Variants in ZNF559 observed in about 807,000 individuals in gnomAD.
ZNF559 encodes putative protein product of Nbla00121.
In ZNF559, 17 loss-of-function variants were observed where a neutral mutation model predicts 14.2. The ratio of observed to expected loss-of-function variants is 1.20; its 90% confidence interval spans 0.82 to 1.80. ZNF559 has a LOEUF of 1.80. Ranked by LOEUF, ZNF559 falls within the 40% of genes most tolerant of loss-of-function variation. The pLI is 0.00. For synonymous variants in ZNF559, 244 were observed against 212.4 expected, an observed-to-expected ratio of 1.15 and a Z score of -1.29; for missense variants, 740 against 629.7, an observed-to-expected ratio of 1.18 and a Z score of -1.88.
chr19:9,326,457 A>G (rs1439053603), intron 2 of ZNF559, among the ~76,000 whole-genome samples: 2 of 152,174 alleles, frequency 1.3e-5, no homozygotes, highest in Non-Finnish European at 2.9e-5. Context: ...ATTATCTTGT[A>G]AAATGCTGCC....
chr19:9,337,525 G>C (rs2067306407), intron 2 of ZNF559, among the ~76,000 whole-genome samples: 1 of 152,166 alleles, frequency 6.6e-6, no homozygotes, highest in Non-Finnish European at 1.5e-5. Context: ...AGAATAAGAA[G>C]AACCTCAGGA....
chr19:9,339,786 T>G (rs932417204), intron 5 of ZNF559, among the ~76,000 whole-genome samples: 8 of 121,182 alleles, frequency 6.6e-5, no homozygotes, highest in African/African-American at 2.4e-4. Context: ...TTTTTTTTTT[T>G]GAGACAGAGT....
At chr19:9,328,507 C>A (rs1037090631) in intron 2 of ZNF559, among the ~76,000 whole-genome samples, 2 of 151,858 alleles carry the variant, frequency 1.3e-5, no homozygotes, top group Non-Finnish European at 2.9e-5. Flanking sequence ...GCTCCTGCCA[C>A]CACACCTCAC....
intron 5 of ZNF559, among the ~76,000 whole-genome samples, chr19:9,339,767 C>CTTTTT (rs200842205): frequency 7.4e-6 from 1 of 134,552 alleles, no homozygotes; most frequent in African/African-American, 2.8e-5. Context: ...ACATTCTTTA[C>CTTTTT]TTTTTTTTTT....
Position 9,324,239 on chromosome 19 carries a change from G to A in ZNF559, c.-206+11G>A, listed in dbSNP as rs1251695416. On this transcript the variant is annotated intron_variant, in intron 1 of 6. Coordinates refer to ENST00000603380, the MANE Select transcript of ZNF559 (RefSeq NM_032497.3). ...CCGTTGGCGTCTGAGGTAAGTTTTT[G>A]TTTCTGGGCGGCGTTCGGTGGTGTC... The A allele has an allele frequency of 6.5e-7, 1 of 1,536,116 alleles. No homozygotes were observed. Among genetic ancestry groups the A allele is most frequent in the South Asian group, 1.2e-5 (1 of 84,066 alleles).
rs533736412 is a variant in ZNF559, at chr19:9,342,801, G to T, written c.1350G>T (p.Ser450=). 91 of 1,613,508 alleles carry T rather than the reference G, an allele frequency of 5.6e-5. No homozygotes were observed. The highest frequency in any genetic ancestry group is 6.6e-5 in the Non-Finnish European group (78 of 1,179,920). Residue 450 remains serine, a synonymous_variant, in exon 7 of 7, where the codon TCG becomes TCT. Coordinates refer to ENST00000603380, the MANE Select transcript of ZNF559 (RefSeq NM_032497.3). ...GTGGGAAAGCCTTTAGATACTCCTC[G>T]CACCTTAGTCAACATAAAAGAATAC... The part of the protein sequence containing the change: ...EECGKAFRYS[S]HLSQHKRIHT...
chr19:9,342,403 G>T lies in ZNF559; in HGVS notation c.952G>T (p.Val318Phe), dbSNP rs1382622348. The T allele has an allele frequency of 8.1e-6, 13 of 1,613,910 alleles. No homozygotes were observed. The highest frequency in any genetic ancestry group is 8.5e-6 in the Non-Finnish European group (10 of 1,179,994). ...CFSKLNIHIR[V>F]HTGEKPYECN... ...CTCAAAACTCAACATTCACATAAGG[G>T]TTCACACTGGAGAAAAACCGTATGA... The change falls in exon 7 of 7, where the codon GTT (valine) becomes TTT (phenylalanine). Residue 318 changes from valine (V) to phenylalanine (F), a missense_variant. Transcript: ENST00000603380.
At chr19:9,329,221 T>C (rs1389889550) in intron 2 of ZNF559, among the ~76,000 whole-genome samples, 1 of 152,128 alleles carries the variant, frequency 6.6e-6, no homozygotes, top group African/African-American at 2.4e-5. Flanking sequence ...GTTTTTAATT[T>C]CTTTTATATT....
chr19:9,343,421 G>A lies in ZNF559; in HGVS notation c.*353G>A, dbSNP rs571994701. On this transcript the variant is annotated 3_prime_UTR_variant, in exon 7 of 7. Coordinates refer to ENST00000603380, the MANE Select transcript of ZNF559 (RefSeq NM_032497.3). The stretch of plus-strand genomic sequence containing the variant: ...TGGAAAAGCTTTCATTATTTTCCTC[G>A]GGCCTTACTGAGCTTGTGAGCACAT... The A allele has an allele frequency of 4.5e-5, 49 of 1,080,978 alleles. No homozygotes were observed. The highest frequency in any genetic ancestry group is 2.1e-4 in the African/African-American group (13 of 61,010). The allele number at this position is 1,080,978 out of a possible 1,614,324, so 67.0% of individuals were successfully genotyped here. A position where few individuals can be genotyped will look rare whatever the true frequency, so the allele number is the denominator to read the frequency against.
intron 2 of ZNF559, among the ~76,000 whole-genome samples, chr19:9,329,926 T>A (rs1161341799): frequency 6.6e-6 from 1 of 152,210 alleles, no homozygotes; most frequent in Admixed American, 6.5e-5. Flanking sequence ...CCTCCCAAAG[T>A]GCTGGGATTA....
chr19:9,325,519 G>T (rs769366826), intron 2 of ZNF559, among the ~76,000 whole-genome samples: 1 of 151,268 alleles, frequency 6.6e-6, no homozygotes, highest in Non-Finnish European at 1.5e-5. Flanking sequence ...TAGTCCAGGT[G>T]TGGTGGCTCA....
At chr19:9,329,880 T>C (rs1158740620) in intron 2 of ZNF559, among the ~76,000 whole-genome samples, 1 of 152,180 alleles carries the variant, frequency 6.6e-6, no homozygotes, top group African/African-American at 2.4e-5. Context: ...GCAAGGCTGG[T>C]CTCGAACTCC....
chr19:9,329,334 A>T (rs2066813021), intron 2 of ZNF559, among the ~76,000 whole-genome samples: 1 of 152,026 alleles, frequency 6.6e-6, no homozygotes, highest in African/African-American at 2.4e-5. Flanking sequence ...TTGAAAGTGG[A>T]GTGTTGAAGT....
intron 2 of ZNF559, among the ~76,000 whole-genome samples, chr19:9,326,148 G>GTC (rs2066590314): frequency 9.1e-6 from 1 of 110,298 alleles, no homozygotes. Context: ...GAGTCTGTCT[G>GTC]TCCCAGGCTG....
At chr19:9,326,192 C>T (rs2066592687) in intron 2 of ZNF559, among the ~76,000 whole-genome samples, 1 of 144,118 alleles carries the variant, frequency 6.9e-6, no homozygotes, top group South Asian at 2.2e-4. Context: ...TCACTGCAAC[C>T]TCTGCCTCCT....
At chr19:9,330,416 C>A (rs1383774087) in intron 2 of ZNF559, among the ~76,000 whole-genome samples, 1 of 152,172 alleles carries the variant, frequency 6.6e-6, no homozygotes, top group Non-Finnish European at 1.5e-5. Flanking sequence ...ACTCATTTCT[C>A]TCTCTGCTCC....
intron 2 of ZNF559, among the ~76,000 whole-genome samples, chr19:9,331,237 A>G (rs1047949190): frequency 6.6e-6 from 1 of 152,154 alleles, no homozygotes; most frequent in Non-Finnish European, 1.5e-5. Flanking sequence ...CTTCCCATGA[A>G]GAAATAATGT....
chr19:9,331,839 A>G (rs555349037), intron 2 of ZNF559, among the ~76,000 whole-genome samples: 73 of 152,302 alleles, frequency 4.8e-4, no homozygotes, highest in African/African-American at 1.4e-3. Flanking sequence ...GACATTTTTT[A>G]TGATATATTA....
chr19:9,343,459 C>T lies in ZNF559; in HGVS notation c.*391C>T, dbSNP rs2067664877. 9.6e-7 allele frequency: 1 copy of T among 1,037,446 alleles called. No individual in the cohort carries two copies. The highest frequency in any genetic ancestry group is 1.7e-5 in the African/African-American group (1 of 59,360). 64.3% of individuals were successfully genotyped at this position (1,037,446 alleles called of 1,614,324 possible). On this transcript the variant is annotated 3_prime_UTR_variant, in exon 7 of 7. Coordinates refer to ENST00000603380, the MANE Select transcript of ZNF559 (RefSeq NM_032497.3). ...CTTGTGAGCACATTGGATATAAATGCACGTCCTCTGGCTGTAAGGAATGTG... is the reference window on the plus strand; with the variant it reads ...CTTGTGAGCACATTGGATATAAATGTACGTCCTCTGGCTGTAAGGAATGTG...
Sources: gnomAD v4.1 joint callset for allele counts (sites outside exome capture counted in the v4.1 genomes callset) on GRCh38, gnomAD v4.1.1 for gene constraint, MANE v1.5 for transcripts, NCBI Gene and HGNC (gene_info 2026-07-23, HGNC 2026-07-21) for gene names.